RNF213: variants seen among roughly 807,000 people sequenced by gnomAD.
The protein encoded by RNF213 is ring finger protein 213, also known as E3 ubiquitin-protein ligase RNF213.
In RNF213, 341 loss-of-function variants were observed where a neutral mutation model predicts 514.4. That is an observed-to-expected ratio of 0.66 (90% CI 0.61 to 0.73). The LOEUF is 0.73. Among genes scored for constraint, RNF213 ranks in the 30% least tolerant of loss-of-function variants. The pLI, the probability that RNF213 is intolerant of heterozygous loss-of-function variation, is 0.00. For missense variants in RNF213, 5,767 were observed against 6,615.6 expected (o/e 0.87, Z 4.45); for synonymous variants, 2,655 against 2,658.2 (o/e 1.00, Z 0.04).
chr17:80,342,234 C>T lies in RNF213; in HGVS notation c.5990-898C>T, dbSNP rs559833076. On this transcript the variant is annotated intron_variant, in intron 26 of 67. Transcript: ENST00000582970. ...TAGCTCGGGTGTGTGGTCGGCTCTA[C>T]CATCTGGGTTTCTGCAGGCACACTC... is the stretch of plus-strand genomic sequence containing the variant. 1.2e-4 allele frequency among the ~76,000 whole-genome samples: 18 copies of T among 152,330 alleles called. No homozygotes were observed. The South Asian group carries it at 3.7e-3, about 32-fold the overall frequency.
At chr17:80,262,220 G>T (rs2043448646) in intron 1 of RNF213, among the ~76,000 whole-genome samples, 1 of 152,026 alleles carries the variant, frequency 6.6e-6, no homozygotes. Context: ...CTTGGCTGTG[G>T]CAGGGGTAGG....
intron 42 of RNF213, among the ~76,000 whole-genome samples, chr17:80,367,213 G>C (rs993474775): frequency 1.3e-5 from 2 of 152,160 alleles, no homozygotes; most frequent in African/African-American, 2.4e-5. Flanking sequence ...TCCATGTTCA[G>C]ATATGCTTAC....
intron 46 of RNF213, among the ~76,000 whole-genome samples, chr17:80,370,696 T>C (rs534104058): frequency 1.3e-5 from 2 of 152,298 alleles, no homozygotes; most frequent in South Asian, 2.1e-4. Context: ...GAGTAGACAG[T>C]TGCCTCACAG....
chr17:80,315,325 T>A (rs1226155686), intron 15 of RNF213, among the ~76,000 whole-genome samples: 1 of 101,316 alleles, frequency 9.9e-6, no homozygotes. Flanking sequence ...GTGGTGGTGG[T>A]GATGGTGGAG....
intron 17 of RNF213, chr17:80,320,324 C>T (rs549021336): frequency 1.1e-4 from 16 of 152,292 alleles, no homozygotes; most frequent in African/African-American, 3.9e-4. Flanking sequence ...TTTCACTGAG[C>T]ATAATGTTTT....
At position 80,360,069 on chromosome 17, in the gene RNF213, G is replaced by C; in HGVS notation, c.11063G>C (p.Gly3688Ala). The change falls in exon 38 of 68, where the codon GGT (glycine) becomes GCT (alanine). Residue 3688 changes from glycine (G) to alanine (A), a missense_variant. Gly to Ala is a moderately conservative substitution (Grantham distance 60). This residue lies in a region of RNF213 where 919 missense variants were observed against 1,121.0 expected (regional missense o/e 0.82). Coordinates refer to ENST00000582970, the MANE Select transcript of RNF213 (RefSeq NM_001256071.3). ...CCCTCACCTTATTGCAGACATAAAG[G>C]TGAGATGGCCTACATCGTGGTGCAG... ...PLVMNNERHK[G>A]EMAYIVVQNH... 6.2e-7 allele frequency: 1 copy of C among 1,614,134 alleles called. No individual in the cohort carries two copies.
rs371788270 is a variant in RNF213 at position 80,374,439 on chromosome 17, A to G, written c.12943-19A>G. 1.1e-5 allele frequency: 17 copies of G among 1,613,850 alleles called. No individual in the cohort carries two copies. The highest frequency in any genetic ancestry group is 1.4e-5 in the Non-Finnish European group (17 of 1,179,942). On this transcript the variant is annotated intron_variant, in intron 49 of 67. Coordinates refer to ENST00000582970, the MANE Select transcript of RNF213 (RefSeq NM_001256071.3). ...ACATTCCTCCCATTGTTCACCCCCA[A>G]CTAACCTCTGTATTCCAGGGGCTGC...
At chr17:80,287,454 G>A (rs1319869265) in intron 3 of RNF213, among the ~76,000 whole-genome samples, 2 of 152,200 alleles carry the variant, frequency 1.3e-5, no homozygotes, top group African/African-American at 4.8e-5. Flanking sequence ...AGTGAGCTGG[G>A]TTTGCACCCT....
At chr17:80,367,533 C>T (rs569772770) in intron 42 of RNF213, among the ~76,000 whole-genome samples, 3 of 152,230 alleles carry the variant, frequency 2.0e-5, no homozygotes, top group African/African-American at 7.2e-5. Context: ...GAGGGAAAAT[C>T]GTAACTTGAG....
chr17:80,339,659 C>T lies in RNF213; in HGVS notation c.5292C>T (p.Leu1764=). Residue 1764 remains leucine (L), a synonymous_variant, in exon 26 of 68, where the codon CTC becomes CTT. Transcript: ENST00000582970. ...GCATGAGGAGAGTCATGGAAGAGCT[C>T]CCGCTGATGCTCTTATCAGAGTTCA... is the stretch of plus-strand genomic sequence containing the variant. ...RYRMRRVMEE[L]PLMLLSEFSL... The T allele has an allele frequency of 6.5e-7, 1 of 1,537,076 alleles. No homozygotes were observed. The highest frequency in any genetic ancestry group is 8.7e-7 in the Non-Finnish European group (1 of 1,146,800).
intron 29 of RNF213, 134 bp downstream of exon 29, chr17:80,348,420 C>T (rs1463618793): frequency 4.6e-6 from 6 of 1,294,232 alleles, no homozygotes; most frequent in African/African-American, 1.5e-5. Flanking sequence ...CTGAGCTCTC[C>T]TCCGCGGTAA....
intron 36 of RNF213, 123 bp downstream of exon 36, chr17:80,354,699 C>CTGTA (rs1373935533): frequency 1.6e-6 from 2 of 1,252,958 alleles, no homozygotes; most frequent in Non-Finnish European, 2.3e-6. Flanking sequence ...AACCTCTCAG[C>CTGTA]CATTCAAAGC....
At chr17:80,304,372 G>C (rs1168982645) in intron 11 of RNF213, among the ~76,000 whole-genome samples, 1 of 152,176 alleles carries the variant, frequency 6.6e-6, no homozygotes, top group Non-Finnish European at 1.5e-5. Flanking sequence ...TGGGTGCAGT[G>C]GCTCACACCT....
intron 2 of RNF213, among the ~76,000 whole-genome samples, chr17:80,266,796 G>A (rs1055123560): frequency 2.0e-5 from 3 of 151,898 alleles, no homozygotes; most frequent in Non-Finnish European, 2.9e-5. Flanking sequence ...GCCACCCACC[G>A]CACCTGGCCT....
At position 80,351,664 on chromosome 17, in the gene RNF213, CT is replaced by C. The variant is rs148590969; in HGVS notation, c.10185-11del. 60,426 of 1,160,120 alleles carry C rather than the reference CT, an allele frequency of 0.052. 1,506 individuals are homozygous for C. The highest frequency in any genetic ancestry group is 0.09 in the Middle Eastern group (455 of 5,072). The allele number at this position is 1,160,120 out of a possible 1,614,324, so 71.9% of individuals were successfully genotyped here. ...TGTGTTTGTTTTTAAAATAGGTATT[CT>C]TTTTTTTTTCTTTAAATAGGTATTC... is the stretch of plus-strand genomic sequence containing the variant. On this transcript the variant is annotated intron_variant, in intron 31 of 67. Coordinates refer to ENST00000582970, the MANE Select transcript of RNF213 (RefSeq NM_001256071.3).
chr17:80,312,872 C>A (rs2045618277), intron 14 of RNF213, 140 bp from the exon 15 acceptor site: 2 of 897,184 alleles, frequency 2.2e-6, no homozygotes, highest in Admixed American at 4.1e-5. Context: ...TGGGCTTCTG[C>A]CAAGGCCTGT....
intron 42 of RNF213, among the ~76,000 whole-genome samples, chr17:80,367,217 T>C (rs1030339538): frequency 5.3e-5 from 8 of 152,224 alleles, no homozygotes. Flanking sequence ...TGTTCAGATA[T>C]GCTTACAGCT....
intron 36 of RNF213, among the ~76,000 whole-genome samples, chr17:80,355,726 TGGACGG>T: frequency 3.0e-5 from 2 of 65,994 alleles, no homozygotes; most frequent in African/African-American, 1.3e-4. Context: ...AGAAGCGGGG[TGGACGG>T]GAATGGGGGC....
intron 22 of RNF213, among the ~76,000 whole-genome samples, chr17:80,335,156 C>T (rs2077951589): frequency 6.6e-6 from 1 of 152,170 alleles, no homozygotes; most frequent in Non-Finnish European, 1.5e-5. Flanking sequence ...CTCCTGACCT[C>T]AGGTGATCCA....
Sources: gnomAD v4.1 joint callset for allele counts (sites outside exome capture counted in the v4.1 genomes callset) on GRCh38, gnomAD v4.1.1 for gene constraint, gnomAD v4.1.1 regional missense constraint, MANE v1.5 for transcripts, NCBI Gene and HGNC (gene_info 2026-07-23, HGNC 2026-07-21) for gene names.